ANO3: variants seen among roughly 807,000 people sequenced by gnomAD.
ANO3 encodes the protein anoctamin-3.
In ANO3, 99 loss-of-function variants were observed where a neutral mutation model predicts 144.8. The ratio of observed to expected loss-of-function variants is 0.68; its 90% confidence interval spans 0.58 to 0.81. The LOEUF is 0.81. Ranked by LOEUF, ANO3 falls within the 30% of genes least tolerant of loss-of-function variation. The pLI is 0.00. For synonymous variants in ANO3, 414 were observed against 392.6 expected (o/e 1.05, Z -0.64); for missense variants, 905 against 1,202.2 (o/e 0.75, Z 3.66).
chr11:26,631,653 C>T (rs1449052815), intron 18 of ANO3, among the ~76,000 whole-genome samples: 1 of 151,958 alleles, frequency 6.6e-6, no homozygotes, highest in African/African-American at 2.4e-5. Context: ...ATGACTGACA[C>T]TTGAGGAGTA....
intron 4 of ANO3, among the ~76,000 whole-genome samples, chr11:26,502,206 T>TC (rs1180454399): frequency 6.6e-6 from 1 of 152,198 alleles, no homozygotes; most frequent in African/African-American, 2.4e-5. Context: ...GCAATGTAAA[T>TC]GAATACATTA....
intron 1 of ANO3, among the ~76,000 whole-genome samples, chr11:26,294,417 GA>G (rs1854038988): frequency 6.6e-6 from 1 of 151,962 alleles, no homozygotes; most frequent in Non-Finnish European, 1.5e-5. Flanking sequence ...ATTTTGAGTT[GA>G]AAAATAAACA....
intron 1 of ANO3, among the ~76,000 whole-genome samples, chr11:26,227,039 A>T (rs1261923763): frequency 6.6e-6 from 1 of 152,296 alleles, no homozygotes; most frequent in South Asian, 2.1e-4. Flanking sequence ...AAACTCTTGT[A>T]ATCATATATT....
rs149415582 is a variant in ANO3 at position 26,508,237 on chromosome 11, C to T, written c.566C>T (p.Ala189Val). 3 of 1,596,212 alleles carry T rather than the reference C, an allele frequency of 1.9e-6. No homozygotes were observed. The highest frequency in any genetic ancestry group is 2.6e-6 in the Non-Finnish European group (3 of 1,174,608). The change falls in exon 5 of 27, where the codon GCA (alanine) becomes GTA (valine). Residue 189 changes from alanine (A) to valine (V), a missense_variant. Ala to Val is a moderately conservative substitution (Grantham distance 64). Transcript: ENST00000256737. The part of the protein sequence containing the change: ...KRNTFEKNLR[A>V]EGLMLEKEPA... ...AACACATTTGAAAAGAACCTCAGAG[C>T]AGAAGGCTTGATGTTGGAGAAGGAG...
At chr11:26,631,112 A>G (rs1305812618) in intron 18 of ANO3, among the ~76,000 whole-genome samples, 1 of 151,934 alleles carries the variant, frequency 6.6e-6, no homozygotes, top group Non-Finnish European at 1.5e-5. Context: ...TCAACTGAAA[A>G]TTATTGATAG....
chr11:26,621,822 G>A (rs1424717501), intron 17 of ANO3, among the ~76,000 whole-genome samples: 1 of 152,060 alleles, frequency 6.6e-6, no homozygotes, highest in Non-Finnish European at 1.5e-5. Flanking sequence ...TGCATCAGTG[G>A]CTGATTTTTT....
intron 1 of ANO3, among the ~76,000 whole-genome samples, chr11:26,382,045 C>G (rs1280768202): frequency 6.6e-6 from 1 of 152,068 alleles, no homozygotes; most frequent in East Asian, 1.9e-4. Flanking sequence ...TCCCTACATT[C>G]TAGCAAATTT....
At chr11:26,312,316 T>C (rs1390334143) in intron 1 of ANO3, among the ~76,000 whole-genome samples, 2 of 152,264 alleles carry the variant, frequency 1.3e-5, no homozygotes, top group Non-Finnish European at 2.9e-5. Context: ...CGTTTGCATG[T>C]GTCTTTATAG....
chr11:26,618,720 G>A lies in ANO3; in HGVS notation c.1837-5742G>A, dbSNP rs555356226. ...AAATCACCCTGCACTCCAACCTACA[G>A]AACCACTTTTGCTTGTCCCCCAGGG... On this transcript the variant is annotated intron_variant, in intron 17 of 26. Transcript: ENST00000256737. 2.6e-5 allele frequency among the ~76,000 whole-genome samples: 4 copies of A among 152,170 alleles called. No homozygotes were observed. The South Asian group carries it at 8.3e-4, about 32-fold the overall frequency.
intron 19 of ANO3, 74 bp downstream of exon 19, chr11:26,634,389 C>T: frequency 8.4e-6 from 8 of 955,000 alleles, no homozygotes; most frequent in Non-Finnish European, 1.3e-5. Context: ...GATTACTGTT[C>T]TTACTCAAAT....
chr11:26,525,606 T>C (rs1473035896), intron 6 of ANO3, 29 bp from the exon 7 acceptor site: 1 of 1,596,512 alleles, frequency 6.3e-7, no homozygotes, highest in Admixed American at 1.7e-5. Context: ...CCTGTGGCTT[T>C]CCTTAGCTGT....
At chr11:26,226,238 A>G (rs1852254528) in intron 1 of ANO3, among the ~76,000 whole-genome samples, 1 of 152,062 alleles carries the variant, frequency 6.6e-6, no homozygotes, top group African/African-American at 2.4e-5. Flanking sequence ...GGTGTGGCAT[A>G]TTTTGTTTTA....
At chr11:26,190,121 C>T (rs140408246) in intron 1 of ANO3, among the ~76,000 whole-genome samples, 17 of 152,216 alleles carry the variant, frequency 1.1e-4, no homozygotes, top group Non-Finnish European at 1.8e-4. Context: ...TAAAATAAGG[C>T]GTTGTAATGG....
intron 1 of ANO3, among the ~76,000 whole-genome samples, chr11:26,199,151 G>A (rs1851644962): frequency 6.6e-6 from 1 of 150,654 alleles, no homozygotes; most frequent in Non-Finnish European, 1.5e-5. Flanking sequence ...ACATTAATCT[G>A]TGCCCGCAGT....
intron 14 of ANO3, among the ~76,000 whole-genome samples, chr11:26,579,303 C>G (rs986367253): frequency 6.6e-6 from 1 of 152,064 alleles, no homozygotes; most frequent in African/African-American, 2.4e-5. Flanking sequence ...TTCTCACCAA[C>G]GAGCCATAAC....
intron 16 of ANO3, 24 bp from the exon 17 acceptor site, chr11:26,599,526 T>G: frequency 6.3e-7 from 1 of 1,598,054 alleles, no homozygotes; most frequent in Middle Eastern, 1.7e-4. Context: ...ATATGGATGT[T>G]TTTTCTGGTG....
chr11:26,609,341 A>T (rs1359675993), intron 17 of ANO3, among the ~76,000 whole-genome samples: 2 of 145,426 alleles, frequency 1.4e-5, no homozygotes, highest in Admixed American at 6.7e-5. Flanking sequence ...GCAGGATCAC[A>T]TGCAGGATTC....
chr11:26,318,675 A>C (rs982246754), intron 1 of ANO3, among the ~76,000 whole-genome samples: 2 of 152,320 alleles, frequency 1.3e-5, no homozygotes, highest in East Asian at 1.9e-4. Context: ...TGACACATCA[A>C]CTGGTCCTTG....
At position 26,451,157 on chromosome 11, in the gene ANO3, C is replaced by T. The variant is rs145015270; in HGVS notation, c.313+7321C>T. ...GGTCTACAGATCCCAGCCTGAGCGA[C>T]GCAGAAGACAGGTGATTTCTGCATT... On this transcript the variant is annotated intron_variant, in intron 3 of 26. Transcript: ENST00000256737. 7.8e-3 allele frequency among the ~76,000 whole-genome samples: 1,184 copies of T among 152,234 alleles called. 10 individuals carry two copies. Among genetic ancestry groups the T allele is most frequent in the South Asian group, 0.011 (54 of 4,820 alleles).
Sources: gnomAD v4.1 joint callset for allele counts (sites outside exome capture counted in the v4.1 genomes callset) on GRCh38, gnomAD v4.1.1 for gene constraint, MANE v1.5 for transcripts, NCBI Gene and HGNC (gene_info 2026-07-23, HGNC 2026-07-21) for gene names.